Variants in TOM1 observed in about 807,000 individuals in gnomAD.
The protein encoded by TOM1 is target of Myb protein 1.
In TOM1, 38 loss-of-function variants were observed where a neutral mutation model predicts 61.3. The ratio of observed to expected loss-of-function variants is 0.62; its 90% CI spans 0.48 to 0.81. The LOEUF is 0.81. Ranked by LOEUF, TOM1 falls within the 40% of genes least tolerant of loss-of-function variation. The pLI is 0.00. For synonymous variants in TOM1, 270 were observed against 268.8 expected, an observed-to-expected ratio of 1.00 and a Z score of -0.04; for missense variants, 591 against 659.6, an observed-to-expected ratio of 0.90 and a Z score of 1.14.
At chr22:35,343,216 T>TAC (rs1401614430) in intron 12 of TOM1, among the ~76,000 whole-genome samples, 1 of 22,048 alleles carries the variant, frequency 4.5e-5, no homozygotes. Context: ...CACACACCCC[T>TAC]ACACACACCA....
Position 35,323,207 on chromosome 22 carries a change from C to G in TOM1, c.366+30C>G, listed in dbSNP as rs375112395. 54 of 1,610,006 alleles carry G rather than the reference C, an allele frequency of 3.4e-5. No homozygotes were observed. The highest frequency in any genetic ancestry group is 4.6e-5 in the Non-Finnish European group (54 of 1,179,692). On this transcript the variant is annotated intron_variant, in intron 4 of 14. Transcript: ENST00000449058. The surrounding 1 kb of genome is among the most constrained non-coding windows in gnomAD (Gnocchi z 4.2). The stretch of plus-strand genomic sequence containing the variant: ...GTGCCAGGACAGGGCAGGGCACGGC[C>G]AGGAAGAGCTGTCAGTGCAGGAGCT...
intron 6 of TOM1, among the ~76,000 whole-genome samples, chr22:35,325,544 TTA>T (rs1303691753): frequency 5.3e-5 from 8 of 152,214 alleles, no homozygotes; most frequent in Non-Finnish European, 8.8e-5. Context: ...AGAACAGTTT[TTA>T]TGTTTTATTT....
chr22:35,324,063 C>T (rs551716747), intron 6 of TOM1, 149 bp downstream of exon 6: 208 of 996,622 alleles, frequency 2.1e-4, no homozygotes, highest in Non-Finnish European at 2.8e-4. Context: ...CCTGTTTGAG[C>T]GATGAGACTC....
At chr22:35,300,636 T>A (rs1280226316) in intron 1 of TOM1, among the ~76,000 whole-genome samples, 7 of 152,166 alleles carry the variant, frequency 4.6e-5, no homozygotes, top group Admixed American at 3.3e-4. Context: ...CCCATCTCGG[T>A]GCTCCGTAGG....
intron 2 of TOM1, 45 bp downstream of exon 2, chr22:35,318,006 C>T (rs1927457918): frequency 6.8e-7 from 1 of 1,472,548 alleles, no homozygotes; most frequent in Non-Finnish European, 9.5e-7. Flanking sequence ...ACGGCCATCC[C>T]ACCACGCAGC....
At chr22:35,334,533 G>A in intron 11 of TOM1, 85 bp downstream of exon 11, 3 of 1,515,360 alleles carry the variant, frequency 2.0e-6, no homozygotes, top group Non-Finnish European at 2.7e-6. Context: ...GGCACACCAT[G>A]AGGAAGGGCA....
At chr22:35,333,223 C>G (rs928941969) in intron 9 of TOM1, 181 bp from the exon 10 acceptor site, 1 of 777,634 alleles carries the variant, frequency 1.3e-6, no homozygotes, top group Non-Finnish European at 2.1e-6. Context: ...TCCCCAACCT[C>G]CCAGGGAGTC....
Position 35,330,362 on chromosome 22 carries a change from TGCC to T in TOM1, c.783_785del (p.Cys261_Arg262delinsTer), listed in dbSNP as rs1220220378. Reference sequence around the variant, plus strand: ...TTCCTGGCAGGAGCTCAACCGCACGTGCCGAGCCATGCAGCAGCGGGTCCTGGA... The same window carrying T: ...TTCCTGGCAGGAGCTCAACCGCACGTGAGCCATGCAGCAGCGGGTCCTGGA... On this transcript the variant is annotated stop_gained and inframe_deletion, in exon 8 of 15. Transcript: ENST00000449058. LOFTEE classifies it high-confidence loss of function. 1 of 1,612,504 alleles carries T rather than the reference TGCC, an allele frequency of 6.2e-7. No individual in the cohort carries two copies. The highest frequency in any genetic ancestry group is 8.5e-7 in the Non-Finnish European group (1 of 1,179,530).
intron 12 of TOM1, chr22:35,344,652 C>A (rs1930351800): frequency 6.6e-6 from 1 of 152,244 alleles, no homozygotes; most frequent in African/African-American, 2.4e-5. Flanking sequence ...CCTGGGGGGT[C>A]CTCAGGTGCT....
In TOM1 at chr22:35,347,880, G is replaced by A. The variant is rs1435575803; in HGVS notation, c.*671G>A. ...CCTCCATCCTTCCTCTGTTCCTTCT[G>A]GCCGGGCACCACAGCACTGGGGCTC... On this transcript the variant is annotated 3_prime_UTR_variant, in exon 15 of 15. Coordinates refer to ENST00000449058, the MANE Select transcript of TOM1 (RefSeq NM_005488.3). The A allele has an allele frequency of 1.3e-5, 2 of 152,832 alleles. No individual in the cohort carries two copies. The highest frequency in any genetic ancestry group is 4.8e-5 in the African/African-American group (2 of 41,446). The allele number at this position is 152,832 out of a possible 1,614,324, so 9.5% of individuals were successfully genotyped here.
rs1302502114 is a variant in TOM1, at chr22:35,327,395, G to C, written c.765+8G>C. On this transcript the variant is annotated splice_region_variant and intron_variant, in intron 7 of 14. Coordinates refer to ENST00000449058, the MANE Select transcript of TOM1 (RefSeq NM_005488.3). The stretch of plus-strand genomic sequence containing the variant: ...GACCTGGAGCTGCTGCAGGTGAGCA[G>C]GTGGCACCACCCCCTGGGGCTCAGA... 6.2e-7 allele frequency: 1 copy of C among 1,605,966 alleles called. No homozygotes were observed. Among genetic ancestry groups the C allele is most frequent in the Non-Finnish European group, 8.5e-7 (1 of 1,175,676 alleles).
rs1601724789 is a variant in TOM1, at chr22:35,347,317, A to C, written c.*108A>C. ...AAGGCTGCTTTGGGGGTGGCTTGTT[A>C]CCCCCTTTTCCTCCTCTTTGAAGAC... On this transcript the variant is annotated 3_prime_UTR_variant, in exon 15 of 15. Transcript: ENST00000449058. 1.6e-6 allele frequency: 2 copies of C among 1,230,054 alleles called. No homozygotes were observed. Among genetic ancestry groups the C allele is most frequent in the Non-Finnish European group, 2.2e-6 (2 of 904,152 alleles). 76.2% of individuals were successfully genotyped at this position (1,230,054 alleles called of 1,614,324 possible).
chr22:35,342,482 C>G (rs1460997867), intron 12 of TOM1, among the ~76,000 whole-genome samples: 1 of 152,004 alleles, frequency 6.6e-6, no homozygotes, highest in African/African-American at 2.4e-5. Context: ...CCTGTCAGAC[C>G]CTACTGGGAG....
chr22:35,337,644 G>GA (rs1929487176), intron 11 of TOM1, among the ~76,000 whole-genome samples: 1 of 152,220 alleles, frequency 6.6e-6, no homozygotes, highest in Non-Finnish European at 1.5e-5. Flanking sequence ...CCATTCCTCA[G>GA]AAAGCAAGCT....
chr22:35,302,403 T>C (rs1438447446), intron 1 of TOM1, among the ~76,000 whole-genome samples: 2 of 150,350 alleles, frequency 1.3e-5, no homozygotes, highest in African/African-American at 4.9e-5. Context: ...TGGCACCATC[T>C]TGGCTCACTG....
At chr22:35,312,379 G>T (rs1000977427) in intron 1 of TOM1, among the ~76,000 whole-genome samples, 1 of 152,152 alleles carries the variant, frequency 6.6e-6, no homozygotes, top group East Asian at 1.9e-4. Flanking sequence ...GTCAGTTGTG[G>T]CCTCCCACTG....
rs756741564 is a variant in TOM1 at position 35,323,864 on chromosome 22, G to A, written c.598G>A (p.Ala200Thr). The A allele has an allele frequency of 3.2e-5, 51 of 1,608,908 alleles. No homozygotes were observed. Among genetic ancestry groups the A allele is most frequent in the Admixed American group, 1.0e-4 (6 of 59,404 alleles). Reference sequence around the variant, plus strand: ...TGGCCAGCATGCTGCCCCTCTGCCCGCCCCGCCCATACTCTCCGGTGACAC... The same window carrying A: ...TGGCCAGCATGCTGCCCCTCTGCCCACCCCGCCCATACTCTCCGGTGACAC... ...DSGQHAAPLP[A>T]PPILSGDTPI... Residue 200 changes from alanine (A) to threonine (T), a missense_variant, in exon 6 of 15, where the codon GCC (alanine) becomes ACC (threonine). Physicochemically the swap from Ala to Thr is moderately conservative, Grantham distance 58. Transcript: ENST00000449058. This position sits in a 1 kb window ranked among gnomAD's most constrained non-coding sequence, Gnocchi z 4.2.
intron 1 of TOM1, among the ~76,000 whole-genome samples, chr22:35,303,494 TTTA>T (rs998252196): frequency 1.3e-5 from 2 of 151,602 alleles, no homozygotes; most frequent in African/African-American, 4.9e-5. Context: ...CATCATCATT[TTTA>T]TTATTTCTTT....
At chr22:35,324,141 G>C (rs1055290450) in intron 6 of TOM1, among the ~76,000 whole-genome samples, 1 of 152,236 alleles carries the variant, frequency 6.6e-6, no homozygotes, top group Non-Finnish European at 1.5e-5. Flanking sequence ...GCTCACGTCT[G>C]TCTGACTCCT....
Sources: gnomAD v4.1 joint callset for allele counts (sites outside exome capture counted in the v4.1 genomes callset) on GRCh38, gnomAD v4.1.1 for gene constraint, Gnocchi (gnomAD v3.1) non-coding constraint, MANE v1.5 for transcripts, NCBI Gene and HGNC (gene_info 2026-07-23, HGNC 2026-07-21) for gene names.